Variants in NCOR2 observed in about 807,000 individuals in gnomAD.
NCOR2 encodes the protein nuclear receptor corepressor 2, also known as CTG repeat protein 26.
In NCOR2, 81 loss-of-function variants were observed where a neutral mutation model predicts 262.9. That is an observed-to-expected ratio of 0.31 (90% CI 0.26 to 0.37). The LOEUF is 0.37. Among genes scored for constraint, NCOR2 ranks in the 10% least tolerant of loss-of-function variants. The pLI is 1.00. For missense variants in NCOR2, 3,385 were observed against 3,621.4 expected (o/e 0.93, Z 1.68); for synonymous variants, 1,659 against 1,559.3 (o/e 1.06, Z -1.51).
At chr12:124,488,228 A>G (rs758523233) in intron 1 of NCOR2, among the ~76,000 whole-genome samples, 4 of 152,212 alleles carry the variant, frequency 2.6e-5, no homozygotes, top group African/African-American at 7.2e-5. Context: ...AAATCAGCAC[A>G]TAAGAGCCCG....
At chr12:124,522,977 T>C (rs920285700) in intron 1 of NCOR2, among the ~76,000 whole-genome samples, 3 of 152,196 alleles carry the variant, frequency 2.0e-5, no homozygotes, top group African/African-American at 7.2e-5. Flanking sequence ...GAAAGGGGCC[T>C]GCCTCCTGGA....
At position 124,398,301 on chromosome 12, in the gene NCOR2, G is replaced by A. The variant is rs577596062; in HGVS notation, c.1814-120C>T. ...CCAGGCCTTGACGGTGTCACCGCAC[G>A]GCTCTGAACCCCGTGGGAAGGCCAC... On this transcript the variant is annotated intron_variant, in intron 15 of 46. Coordinates refer to ENST00000405201, the Ensembl canonical transcript of NCOR2. 128 of 1,065,018 alleles carry A rather than the reference G, an allele frequency of 1.2e-4. 1 individual carries two copies. The highest frequency in any genetic ancestry group is 2.0e-4 in the South Asian group (15 of 76,072). 66.0% of individuals were successfully genotyped at this position (1,065,018 alleles called of 1,614,324 possible).
intron 10 of NCOR2, 68 bp downstream of exon 12, chr12:124,429,545 G>A: frequency 6.7e-7 from 1 of 1,499,708 alleles, no homozygotes; most frequent in Non-Finnish European, 9.1e-7. Flanking sequence ...TTCTGGCTAG[G>A]GCCTCTGCAC....
At chr12:124,536,095 T>C (rs1170348511), upstream of NCOR2, among the ~76,000 whole-genome samples, 1 of 152,198 alleles carries the variant, frequency 6.6e-6, no homozygotes, top group African/African-American at 2.4e-5. Context: ...AGTGTTTTTG[T>C]TTTTGTTTTT....
chr12:124,325,380 C>CCGG, exon 47 of NCOR2: 1 of 327,318 alleles, frequency 3.1e-6, no homozygotes, highest in Non-Finnish European at 4.7e-6. Flanking sequence ...TGACACCGCC[C>CCGG]CCCCCCCCGC....
chr12:124,486,824 C>T (rs2047789638), intron 1 of NCOR2, among the ~76,000 whole-genome samples: 1 of 152,292 alleles, frequency 6.6e-6, no homozygotes, highest in Non-Finnish European at 1.5e-5. Flanking sequence ...CAGGGACCCA[C>T]GATCACGCCC....
chr12:124,386,229 T>C (rs1713877200), intron 16 of NCOR2, among the ~76,000 whole-genome samples: 1 of 151,840 alleles, frequency 6.6e-6, no homozygotes, highest in Non-Finnish European at 1.5e-5. Context: ...GCTGTGAATA[T>C]CCAGAACGCA....
intron 1 of NCOR2, among the ~76,000 whole-genome samples, chr12:124,526,739 T>G (rs1477652380): frequency 6.6e-6 from 1 of 152,050 alleles, no homozygotes; most frequent in African/African-American, 2.4e-5. Context: ...CCTGCGCTTC[T>G]CGGAGAGGAC....
intron 13 of NCOR2, among the ~76,000 whole-genome samples, chr12:124,414,528 C>T (rs938198202): frequency 6.6e-6 from 1 of 152,222 alleles, no homozygotes; most frequent in Non-Finnish European, 1.5e-5. Flanking sequence ...TCCCATCCCC[C>T]ACCAGCCATC....
In NCOR2 at chr12:124,457,069, C is replaced by T; in HGVS notation, c.762+37G>A. Reference sequence around the variant, plus strand: ...CTGCCCACCTCTCCAGCCACCCCCGCCCTCCCCTGAGCCCCTGACCCTGTA... The same window carrying T: ...CTGCCCACCTCTCCAGCCACCCCCGTCCTCCCCTGAGCCCCTGACCCTGTA... On this transcript the variant is annotated intron_variant, in intron 6 of 46. Coordinates refer to ENST00000405201, the Ensembl canonical transcript of NCOR2. The surrounding 1 kb of genome is among the most constrained non-coding windows in gnomAD (Gnocchi z 4.0). The T allele has an allele frequency of 7.6e-7, 1 of 1,322,802 alleles. No individual in the cohort carries two copies. The highest frequency in any genetic ancestry group is 1.0e-6 in the Non-Finnish European group (1 of 975,634). The allele number at this position is 1,322,802 out of a possible 1,614,324, so 81.9% of individuals were successfully genotyped here.
chr12:124,354,416 G>A, intron 26 of NCOR2, 62 bp downstream of exon 28: 6 of 1,382,910 alleles, frequency 4.3e-6, no homozygotes, highest in Non-Finnish European at 5.8e-6. Flanking sequence ...TGAATAAAGG[G>A]CCCTTTGGGC....
In NCOR2 at chr12:124,472,819, A is replaced by G. The variant is rs933669552; in HGVS notation, c.591+133T>C. The G allele has an allele frequency of 1.1e-4, 131 of 1,172,956 alleles. 4 individuals are homozygous for G. In the South Asian group the frequency reaches 1.2e-3, roughly 11 times the overall value. The allele number at this position is 1,172,956 out of a possible 1,614,324, so 72.7% of individuals were successfully genotyped here. ...CTGTGGATGTGCTCCTGTCCAATAA[A>G]CGTAAAGGGCATAAAAACCAGTGAG... On this transcript the variant is annotated intron_variant, in intron 4 of 46. Coordinates refer to ENST00000405201, the Ensembl canonical transcript of NCOR2.
rs746252118 is a variant in NCOR2 at position 124,336,975 on chromosome 12, C to T, written c.5893G>A (p.Gly1965Arg). ...CTGGGGGAGGAGGCGGGCTCCAGCC[C>T]GGAGCGGGCTGGGGGCTTGGCGAGG... Residue 1965 changes from glycine to arginine, a missense_variant, in exon 38 of 47, where the codon GGG (glycine) becomes AGG (arginine). By Grantham distance (125) the Gly-to-Arg change is moderately radical. Coordinates refer to ENST00000405201, the Ensembl canonical transcript of NCOR2. 29 of 1,519,248 alleles carry T rather than the reference C, an allele frequency of 1.9e-5. No individual in the cohort carries two copies. The East Asian group carries it at 2.8e-4, about 15-fold the overall frequency. 94.1% of individuals were successfully genotyped at this position (1,519,248 alleles called of 1,614,324 possible).
chr12:124,445,794 A>G (rs2045132177), intron 7 of NCOR2, among the ~76,000 whole-genome samples: 1 of 152,264 alleles, frequency 6.6e-6, no homozygotes, highest in Non-Finnish European at 1.5e-5. Flanking sequence ...CCTGGCGTGT[A>G]GTAGATGCTC....
chr12:124,453,927 GT>G (rs2045694650), intron 6 of NCOR2, among the ~76,000 whole-genome samples: 1 of 152,198 alleles, frequency 6.6e-6, no homozygotes, highest in South Asian at 2.1e-4. Flanking sequence ...ACAGGGATCC[GT>G]CCCTGCCGAG....
At chr12:124,559,314 C>T (rs115256763) in intron 1 of NCOR2, among the ~76,000 whole-genome samples, 3,701 of 152,258 alleles carry the variant, frequency 0.024, 141 homozygotes, top group African/African-American at 0.083. Context: ...AAAACAATCC[C>T]GAGGTCTCCG....
At chr12:124,453,975 C>T (rs2045698961) in intron 6 of NCOR2, among the ~76,000 whole-genome samples, 3 of 152,362 alleles carry the variant, frequency 2.0e-5, no homozygotes, top group South Asian at 2.1e-4. Context: ...TGATGGAAGA[C>T]ACCCTGGGAA....
At chr12:124,334,597 G>A (rs370981264) in exon 41 of NCOR2, 4 of 1,404,842 alleles carry the variant, frequency 2.8e-6, no homozygotes, top group Non-Finnish European at 3.7e-6. Context: ...GGTGCCGGGT[G>A]TAGTCCTGTG....
intron 3 of NCOR2, among the ~76,000 whole-genome samples, chr12:124,480,122 G>A (rs530349914): frequency 2.6e-5 from 4 of 152,338 alleles, no homozygotes; most frequent in African/African-American, 9.6e-5. Flanking sequence ...CAATCCGGCC[G>A]CACTGGGCAG....
Sources: gnomAD v4.1 joint callset for allele counts (sites outside exome capture counted in the v4.1 genomes callset) on GRCh38, gnomAD v4.1.1 for gene constraint, Gnocchi (gnomAD v3.1) non-coding constraint, MANE v1.5 for transcripts, NCBI Gene and HGNC (gene_info 2026-07-23, HGNC 2026-07-21) for gene names.